Variants in BMP7 observed in about 807,000 individuals in gnomAD.
BMP7 encodes the protein osteogenic protein 1.
Under a neutral mutation model 41.2 loss-of-function variants are expected in BMP7, and 12 were observed. The observed-to-expected ratio is 0.29, with a 90% CI of 0.19 to 0.47. The LOEUF is 0.47. Among genes scored for constraint, BMP7 ranks in the 20% least tolerant of loss-of-function variants. BMP7 has a pLI of 0.99. For synonymous variants in BMP7, 248 were observed against 250.0 expected (o/e 0.99, Z 0.07); for missense variants, 467 against 606.0 (o/e 0.77, Z 2.41).
chr20:57,216,656 T>A (rs1169103436), intron 2 of BMP7, among the ~76,000 whole-genome samples: 1 of 151,874 alleles, frequency 6.6e-6, no homozygotes, highest in Non-Finnish European at 1.5e-5. Flanking sequence ...GAATTCTCCA[T>A]AGACCTTGAC....
chr20:57,255,569 G>A (rs896205460), intron 1 of BMP7, among the ~76,000 whole-genome samples: 1 of 152,116 alleles, frequency 6.6e-6, no homozygotes, highest in Non-Finnish European at 1.5e-5. Flanking sequence ...GGAGGCTGAG[G>A]CAGGTGGATC....
At chr20:57,263,876 C>G (rs577825546) in intron 1 of BMP7, among the ~76,000 whole-genome samples, 4 of 152,236 alleles carry the variant, frequency 2.6e-5, no homozygotes, top group African/African-American at 9.6e-5. Flanking sequence ...CTCCGTAAGC[C>G]CCAGCTATGC....
chr20:57,228,293 C>G lies in BMP7; in HGVS notation c.547G>C (p.Glu183Gln). Residue 183 changes from glutamate (E) to glutamine (Q), a missense_variant, in exon 2 of 7, where the codon GAA becomes CAA. Around this residue, in one of 2 missense-constraint regions of BMP7, gnomAD observed 407 missense variants for 485.9 expected, o/e 0.84. Coordinates refer to ENST00000395863, the MANE Select transcript of BMP7 (RefSeq NM_001719.3). The surrounding 1 kb of genome is among the most constrained non-coding windows in gnomAD (Gnocchi z 4.5). ...CGGAACGTCTCATTGTCGAAGCGTTCCCGGATGTAGTCCTTGTAGATCCGG... is the reference window on the plus strand; with the variant it reads ...CGGAACGTCTCATTGTCGAAGCGTTGCCGGATGTAGTCCTTGTAGATCCGG... ...EFRIYKDYIR[E>Q]RFDNETFRIS... is the part of the protein sequence containing the mutation. 2 of 1,614,138 alleles carry G rather than the reference C, an allele frequency of 1.2e-6. No individual in the cohort carries two copies. The highest frequency in any genetic ancestry group is 2.2e-5 in the South Asian group (2 of 91,070).
rs2066177774 is a variant in BMP7, at chr20:57,266,170, C to T, written c.-48G>A. ...CGGGCTCCGGGCTCCGGGCCCGCAC[C>T]GCCCCAGGTGGCAGAGGGGGCAGGC... On this transcript the variant is annotated 5_prime_UTR_variant, in exon 1 of 7. Transcript: ENST00000395863. The T allele has an allele frequency of 4.8e-6, 7 of 1,444,754 alleles. No individual in the cohort carries two copies. The highest frequency in any genetic ancestry group is 2.7e-5 in the Admixed American group (1 of 37,656). 89.5% of individuals were successfully genotyped at this position (1,444,754 alleles called of 1,614,324 possible).
chr20:57,218,500 G>A (rs1347211052), intron 2 of BMP7, among the ~76,000 whole-genome samples: 2 of 151,736 alleles, frequency 1.3e-5, no homozygotes, highest in Non-Finnish European at 2.9e-5. Flanking sequence ...GCTGGTGTGT[G>A]TTTGCTGGTA....
chr20:57,254,115 C>T (rs1483235545), intron 1 of BMP7, among the ~76,000 whole-genome samples: 1 of 149,758 alleles, frequency 6.7e-6, no homozygotes, highest in Non-Finnish European at 1.5e-5. Flanking sequence ...CTCTGCCTCC[C>T]GGGTTCAAGC....
At chr20:57,211,174 C>T (rs1232211309) in intron 2 of BMP7, among the ~76,000 whole-genome samples, 1 of 152,232 alleles carries the variant, frequency 6.6e-6, no homozygotes, top group Non-Finnish European at 1.5e-5. Context: ...ACTCTCCCAC[C>T]TCCTCCTCCC....
At chr20:57,202,724 G>GGTGGC in intron 2 of BMP7, 101 bp from the exon 3 acceptor site, 1 of 454,250 alleles carries the variant, frequency 2.2e-6, no homozygotes, top group Non-Finnish European at 4.4e-6. Flanking sequence ...GGAGGGGAGG[G>GGTGGC]AAAGAGTCCA....
At chr20:57,210,256 A>C (rs1271578883) in intron 2 of BMP7, among the ~76,000 whole-genome samples, 1 of 152,226 alleles carries the variant, frequency 6.6e-6, no homozygotes, top group East Asian at 1.9e-4. Context: ...CTGGGCTTTC[A>C]GGTGCCTCCT....
chr20:57,206,048 G>A (rs1984722398), intron 2 of BMP7, among the ~76,000 whole-genome samples: 1 of 152,222 alleles, frequency 6.6e-6, no homozygotes, highest in South Asian at 2.1e-4. Context: ...TTACTCAGCA[G>A]CCAGGTCCAG....
intron 1 of BMP7, among the ~76,000 whole-genome samples, chr20:57,235,408 C>A (rs1007979527): frequency 6.6e-6 from 1 of 152,156 alleles, no homozygotes. Context: ...AGGGTAGGCA[C>A]GTTCAACTTT....
Position 57,177,118 on chromosome 20 carries a change from G to A in BMP7, c.959-2111C>T, listed in dbSNP as rs191760332. 2.9e-3 allele frequency among the ~76,000 whole-genome samples: 440 copies of A among 152,286 alleles called. 3 individuals are homozygous for A. Among genetic ancestry groups the A allele is most frequent in the African/African-American group, 0.01 (420 of 41,554 alleles). On this transcript the variant is annotated intron_variant, in intron 4 of 6. Transcript: ENST00000395863. ...TGTTGGTCCTGGAAACCTTCAGTGT[G>A]CCTTAGCTACCCCATGGCTGAGAAC...
chr20:57,241,592 C>G (rs560380468), intron 1 of BMP7, among the ~76,000 whole-genome samples: 5 of 152,206 alleles, frequency 3.3e-5, no homozygotes, highest in Non-Finnish European at 7.3e-5. Flanking sequence ...GAGTCCTACC[C>G]GCCTGGCTCT....
chr20:57,191,345 C>T lies in BMP7; in HGVS notation c.761-7426G>A, dbSNP rs374086407. On this transcript the variant is annotated intron_variant, in intron 3 of 6. Coordinates refer to ENST00000395863, the MANE Select transcript of BMP7 (RefSeq NM_001719.3). ...GGTGGGGCCAACAGAAGGAAAGTTCCCTCCCATGAGCCACTAAATGAGGAG... is the reference window on the plus strand; with the variant it reads ...GGTGGGGCCAACAGAAGGAAAGTTCTCTCCCATGAGCCACTAAATGAGGAG... 2.6e-5 allele frequency among the ~76,000 whole-genome samples: 4 copies of T among 152,232 alleles called. No individual in the cohort carries two copies. In the South Asian group the frequency reaches 8.3e-4, roughly 32 times the overall value.
Position 57,220,496 on chromosome 20 carries a change from A to G in BMP7, c.611+7733T>C, listed in dbSNP as rs530494435. Reference sequence around the variant, plus strand: ...AATACATTTGGAAAAATGAGCTTCTATAGGCGAGCAGAGGCCCAGGGCCAA... The same window carrying G: ...AATACATTTGGAAAAATGAGCTTCTGTAGGCGAGCAGAGGCCCAGGGCCAA... On this transcript the variant is annotated intron_variant, in intron 2 of 6. Transcript: ENST00000395863. Among the ~76,000 whole-genome samples, 3 of 152,364 alleles carry G rather than the reference A, an allele frequency of 2.0e-5. No homozygotes were observed. In the East Asian group the frequency reaches 5.8e-4, roughly 29 times the overall value.
At chr20:57,240,367 T>G (rs561061314) in intron 1 of BMP7, among the ~76,000 whole-genome samples, 11 of 152,234 alleles carry the variant, frequency 7.2e-5, no homozygotes, top group Admixed American at 2.0e-4. Context: ...CTGAGACCAC[T>G]TCAGCCTGGA....
intron 2 of BMP7, among the ~76,000 whole-genome samples, chr20:57,220,813 A>G (rs957421539): frequency 3.3e-5 from 5 of 152,236 alleles, no homozygotes; most frequent in African/African-American, 1.2e-4. Flanking sequence ...TGCTGAAGAA[A>G]GATTGCAAGC....
rs1568715476 is a variant in BMP7, at chr20:57,209,254, TATA to T, written c.612-6634_612-6632del. On this transcript the variant is annotated intron_variant, in intron 2 of 6. Transcript: ENST00000395863. ...ATACCTAGATTTATATATTTTTATATATATATATATATATATATATATATATAT... is the reference window on the plus strand; with the variant it reads ...ATACCTAGATTTATATATTTTTATATTATATATATATATATATATATATAT... Among the ~76,000 whole-genome samples, 5 of 101,248 alleles carry T rather than the reference TATA, an allele frequency of 4.9e-5. No individual in the cohort carries two copies. The East Asian group carries it at 7.6e-4, about 15-fold the overall frequency. 66.4% of individuals were successfully genotyped at this position (101,248 alleles called of 152,430 possible).
At chr20:57,237,006 C>G (rs1174935909) in intron 1 of BMP7, among the ~76,000 whole-genome samples, 1 of 152,206 alleles carries the variant, frequency 6.6e-6, no homozygotes, top group Non-Finnish European at 1.5e-5. Context: ...ATGCGGCCCT[C>G]TCACTGCCCC....
Sources: gnomAD v4.1 joint callset for allele counts (sites outside exome capture counted in the v4.1 genomes callset) on GRCh38, gnomAD v4.1.1 for gene constraint, gnomAD v4.1.1 regional missense constraint, Gnocchi (gnomAD v3.1) non-coding constraint, MANE v1.5 for transcripts, NCBI Gene and HGNC (gene_info 2026-07-23, HGNC 2026-07-21) for gene names.